PAQR3: variants seen among roughly 807,000 people sequenced by gnomAD.
PAQR3 encodes the protein progestin and adipoQ receptor family member 3.
In PAQR3, 39 loss-of-function variants were observed where a neutral mutation model predicts 41.7. That is an observed-to-expected ratio of 0.93 (90% CI 0.72 to 1.22). PAQR3 has a LOEUF of 1.22. Ranked by LOEUF, PAQR3 falls within the 50% of genes most tolerant of loss-of-function variation. PAQR3 has a pLI of 0.00. For synonymous variants in PAQR3, 140 were observed against 140.6 expected (o/e 1.00, Z 0.03); for missense variants, 366 against 385.6 (o/e 0.95, Z 0.42).
Position 78,917,781 on chromosome 4 carries a change from CAG to C in PAQR3, c.*2756_*2757del. On this transcript the variant is annotated 3_prime_UTR_variant, in exon 6 of 6. Transcript: ENST00000512733. The stretch of plus-strand genomic sequence containing the variant: ...GGTACCTGCCAAATGGAGAGTTGTA[CAG>C]TTTTACGGAAGTCAATCACAATCTT... 1.0e-6 allele frequency: 1 copy of C among 981,106 alleles called. No homozygotes were observed. The highest frequency in any genetic ancestry group is 1.2e-6 in the Non-Finnish European group (1 of 825,888). The allele number at this position is 981,106 out of a possible 1,614,324, so 60.8% of individuals were successfully genotyped here.
chr4:78,935,982 T>C (rs568804736), intron 1 of PAQR3, among the ~76,000 whole-genome samples: 2 of 152,298 alleles, frequency 1.3e-5, no homozygotes, highest in Non-Finnish European at 2.9e-5. Context: ...TACTACGTGC[T>C]CTCTTTCAAA....
In PAQR3 at chr4:78,936,785, GACTA is replaced by G. The variant is rs1737470766; in HGVS notation, c.186-1506_186-1503del. The stretch of plus-strand genomic sequence containing the variant: ...CTTTTTGTGAAATCCAGTATAACCT[GACTA>G]ACTGAACTGAGAGGCACCACCTCTC... On this transcript the variant is annotated intron_variant, in intron 1 of 5. Coordinates refer to ENST00000512733, the MANE Select transcript of PAQR3 (RefSeq NM_001040202.2). Among the ~76,000 whole-genome samples, 3 of 152,250 alleles carry G rather than the reference GACTA, an allele frequency of 2.0e-5. No individual in the cohort carries two copies. In the South Asian group the frequency reaches 6.2e-4, roughly 32 times the overall value.
intron 1 of PAQR3, 39 bp downstream of exon 1, chr4:78,939,001 G>A (rs762823176): frequency 5.2e-6 from 8 of 1,536,302 alleles, no homozygotes; most frequent in Non-Finnish European, 7.1e-6. Flanking sequence ...GTGTAGGTGA[G>A]AGAAGGGGGC....
Position 78,939,218 on chromosome 4 carries a change from G to C in PAQR3, c.7C>G (p.Gln3Glu), listed in dbSNP as rs780215554. 6.3e-7 allele frequency: 1 copy of C among 1,586,612 alleles called. No individual in the cohort carries two copies. The highest frequency in any genetic ancestry group is 1.8e-5 in the Admixed American group (1 of 56,240). ...TAATGCGCGCTCTTCAGCAGCTTCTGATGCATCGTTCCCGGCCGCCGCCGC... is the reference window on the plus strand; with the variant it reads ...TAATGCGCGCTCTTCAGCAGCTTCTCATGCATCGTTCCCGGCCGCCGCCGC... MH[Q>E]KLLKSAHYIE... Residue 3 changes from glutamine to glutamate, a missense_variant, in exon 1 of 6, where the codon CAG becomes GAG. Transcript: ENST00000512733.
rs1735140711 is a variant in PAQR3 at position 78,916,946 on chromosome 4, A to G, written c.*3593T>C. 6.6e-6 allele frequency: 1 copy of G among 151,870 alleles called. No individual in the cohort carries two copies. Among genetic ancestry groups the G allele is most frequent in the Non-Finnish European group, 1.5e-5 (1 of 67,856 alleles). The allele number at this position is 151,870 out of a possible 1,614,324, so 9.4% of individuals were successfully genotyped here. A position where few individuals can be genotyped will look rare whatever the true frequency, so the allele number is the denominator to read the frequency against. ...AGGTTCATCCTATTTTTATGAATTA[A>G]CTTTTTCTGAAGTTGTAACATTTAT... On this transcript the variant is annotated 3_prime_UTR_variant, in exon 6 of 6. Coordinates refer to ENST00000512733, the MANE Select transcript of PAQR3 (RefSeq NM_001040202.2).
In PAQR3 at chr4:78,917,998, T is replaced by G. The variant is rs1578002515; in HGVS notation, c.*2541A>C. The G allele has an allele frequency of 2.0e-6, 2 of 983,460 alleles. No individual in the cohort carries two copies. The highest frequency in any genetic ancestry group is 1.2e-6 in the Non-Finnish European group (1 of 827,796). 60.9% of individuals were successfully genotyped at this position (983,460 alleles called of 1,614,324 possible). A position where few individuals can be genotyped will look rare whatever the true frequency, so the allele number is the denominator to read the frequency against. ...TATTTTGTCATGCAGCTTACTGAAT[T>G]GCAGTTAGTGTAATAACAAAAAAAG... On this transcript the variant is annotated 3_prime_UTR_variant, in exon 6 of 6. Transcript: ENST00000512733.
chr4:78,887,225 C>T, exon 13 of PAQR3: 3 of 1,611,950 alleles, frequency 1.9e-6, no homozygotes, highest in Middle Eastern at 1.7e-4. Flanking sequence ...TCACTTTCTG[C>T]TCCACATAAC....
At position 78,939,374 on chromosome 4, in the gene PAQR3, T is replaced by G; in HGVS notation, c.-150A>C. On this transcript the variant is annotated 5_prime_UTR_variant, in exon 1 of 6. Coordinates refer to ENST00000512733, the MANE Select transcript of PAQR3 (RefSeq NM_001040202.2). ...CTGCCGCTGCTGCCCAGGGCCCGGC[T>G]CTGCGCTCACACCGGCCACTGCCGC... 1 of 565,404 alleles carries G rather than the reference T, an allele frequency of 1.8e-6. No homozygotes were observed. The highest frequency in any genetic ancestry group is 7.0e-5 in the South Asian group (1 of 14,368). 35.0% of individuals were successfully genotyped at this position (565,404 alleles called of 1,614,324 possible).
chr4:78,892,634 A>G (rs1473790031), intron 11 of PAQR3, among the ~76,000 whole-genome samples: 1 of 152,230 alleles, frequency 6.6e-6, no homozygotes, highest in African/African-American at 2.4e-5. Flanking sequence ...TTTAAATACA[A>G]GCATACTTTG....
intron 11 of PAQR3, among the ~76,000 whole-genome samples, chr4:78,904,394 C>T (rs1001575840): frequency 1.3e-5 from 2 of 151,896 alleles, no homozygotes; most frequent in Non-Finnish European, 2.9e-5. Flanking sequence ...ATTTCTGATT[C>T]AAGTACCATT....
At chr4:78,898,594 A>G (rs1733832127) in intron 11 of PAQR3, among the ~76,000 whole-genome samples, 4 of 150,240 alleles carry the variant, frequency 2.7e-5, no homozygotes, top group South Asian at 4.2e-4. Context: ...TAGACTGTAT[A>G]TCTAATCATA....
chr4:78,914,664 G>T lies in PAQR3; in HGVS notation c.*5875C>A, dbSNP rs2110116988. The T allele has an allele frequency of 6.6e-6, 1 of 151,162 alleles. No homozygotes were observed. Among genetic ancestry groups the T allele is most frequent in the South Asian group, 2.1e-4 (1 of 4,782 alleles). The allele number at this position is 151,162 out of a possible 1,614,324, so 9.4% of individuals were successfully genotyped here. On this transcript the variant is annotated 3_prime_UTR_variant, in exon 6 of 6. Transcript: ENST00000512733. ...AAAAGTTTGGCTCTATTATGGGATG[G>T]TTCAATTCTGGTTTAAGGAAGGAAG...
intron 1 of PAQR3, among the ~76,000 whole-genome samples, chr4:78,935,821 G>A (rs1174818170): frequency 6.6e-6 from 1 of 152,182 alleles, no homozygotes; most frequent in Non-Finnish European, 1.5e-5. Flanking sequence ...TTTAAGAGAA[G>A]CAAAATAAAT....
chr4:78,927,659 T>C (rs1464270697), intron 3 of PAQR3, among the ~76,000 whole-genome samples: 1 of 152,244 alleles, frequency 6.6e-6, no homozygotes. Flanking sequence ...ATGTTCCAGT[T>C]TTGCTGTGTG....
At chr4:78,932,213 T>C (rs1736974398) in intron 2 of PAQR3, among the ~76,000 whole-genome samples, 1 of 152,198 alleles carries the variant, frequency 6.6e-6, no homozygotes, top group Admixed American at 6.5e-5. Flanking sequence ...TCATCAATTG[T>C]CTAAAATCCT....
intron 5 of PAQR3, chr4:78,921,617 A>T (rs1158845315): frequency 1.1e-6 from 1 of 892,610 alleles, no homozygotes; most frequent in Admixed American, 6.2e-5. Flanking sequence ...GATCCACTCA[A>T]TTCTATCCAT....
rs564611781 is a variant in PAQR3 at position 78,888,990 on chromosome 4, G to C, written c.*837-842C>G. Reference sequence around the variant, plus strand: ...TAATCCCAGCACTTTGGGAGGCCAAGGCAGGCGGATCATGAGGTCAGGAGA... The same window carrying C: ...TAATCCCAGCACTTTGGGAGGCCAACGCAGGCGGATCATGAGGTCAGGAGA... On this transcript the variant is annotated intron_variant and NMD_transcript_variant, in intron 11 of 12. Coordinates refer to the PAQR3 transcript ENST00000342820. Among the ~76,000 whole-genome samples, 35 of 152,294 alleles carry C rather than the reference G, an allele frequency of 2.3e-4. No individual in the cohort carries two copies. In the South Asian group the frequency reaches 2.7e-3, roughly 12 times the overall value.
chr4:78,933,435 G>C (rs1305289925), intron 2 of PAQR3, among the ~76,000 whole-genome samples: 2 of 21,988 alleles, frequency 9.1e-5, no homozygotes, highest in African/African-American at 1.3e-4. Flanking sequence ...AGAAGCATAG[G>C]AGTGAGAAAA....
At chr4:78,901,582 C>T (rs949153011) in intron 11 of PAQR3, among the ~76,000 whole-genome samples, 2 of 152,144 alleles carry the variant, frequency 1.3e-5, no homozygotes, top group Non-Finnish European at 2.9e-5. Context: ...CTACAGTATA[C>T]TCATAAAAAT....
Sources: allele counts gnomAD v4.1 joint callset (sites outside exome capture counted in the v4.1 genomes callset), GRCh38; gene constraint gnomAD v4.1.1; transcripts MANE v1.5; gene names NCBI Gene and HGNC (gene_info 2026-07-23, HGNC 2026-07-21).